Variants in SEPTIN10 observed in about 807,000 individuals in gnomAD.
SEPTIN10 encodes the protein septin-10.
Under a neutral mutation model 54.8 loss-of-function variants are expected in SEPTIN10, and 66 were observed. The observed-to-expected ratio is 1.21, with a 90% CI of 0.99 to 1.48. The LOEUF is 1.48. SEPTIN10 is among the 40% of genes most tolerant of loss of function. SEPTIN10 has a pLI of 0.00. For synonymous variants in SEPTIN10, 161 were observed against 181.0 expected, an observed-to-expected ratio of 0.89 and a Z score of 0.89; for missense variants, 620 against 545.6, an observed-to-expected ratio of 1.14 and a Z score of -1.36.
At position 109,545,528 on chromosome 2, in the gene SEPTIN10, C is replaced by T. The variant is rs748534797; in HGVS notation, c.1349+522G>A. 34 of 1,535,860 alleles carry T rather than the reference C, an allele frequency of 2.2e-5. No homozygotes were observed. In the East Asian group the frequency reaches 3.2e-4, roughly 14 times the overall value. On this transcript the variant is annotated intron_variant, in intron 10 of 10. Coordinates refer to ENST00000397712, the MANE Select transcript of SEPTIN10 (RefSeq NM_144710.5). ...GACATCAATGCACAGGAGTTCGAAT[C>T]GACAGCCTGGTTCCCTTATTAAAAT...
intron 1 of SEPTIN10, among the ~76,000 whole-genome samples, chr2:109,603,661 A>T (rs901373951): frequency 6.6e-6 from 1 of 152,226 alleles, no homozygotes; most frequent in African/African-American, 2.4e-5. Flanking sequence ...TGGGAGACAT[A>T]CATACAACTA....
At chr2:109,552,989 C>A in intron 9 of SEPTIN10, 98 bp downstream of exon 9, 1 of 1,336,612 alleles carries the variant, frequency 7.5e-7, no homozygotes, top group Non-Finnish European at 1.0e-6. Context: ...GAACAAGTAG[C>A]CTACAAAAGA....
chr2:109,590,641 C>T (rs937581716), intron 2 of SEPTIN10, among the ~76,000 whole-genome samples: 5 of 152,096 alleles, frequency 3.3e-5, no homozygotes, highest in African/African-American at 1.2e-4. Flanking sequence ...GTCGGTCAGG[C>T]TGGTCTCGAA....
At chr2:109,559,989 T>C (rs142063603) in intron 8 of SEPTIN10, among the ~76,000 whole-genome samples, 6,555 of 150,382 alleles carry the variant, frequency 0.044, 441 homozygotes, top group African/African-American at 0.15. Context: ...GGCATGATCT[T>C]GGCTCACCGC....
intron 8 of SEPTIN10, among the ~76,000 whole-genome samples, chr2:109,558,818 T>G (rs1684971006): frequency 1.3e-5 from 2 of 152,184 alleles, no homozygotes; most frequent in Middle Eastern, 3.2e-3. Context: ...GAGGGACAGA[T>G]TTTACATGCC....
At chr2:109,590,013 TA>T (rs1693551521) in intron 2 of SEPTIN10, among the ~76,000 whole-genome samples, 1 of 151,108 alleles carries the variant, frequency 6.6e-6, no homozygotes, top group Admixed American at 6.6e-5. Flanking sequence ...CATAATCATA[TA>T]TATATATACA....
chr2:109,613,931 G>GT lies in SEPTIN10; in HGVS notation c.-105_-104insA, dbSNP rs1247222851. 5.7e-6 allele frequency: 7 copies of GT among 1,221,506 alleles called. No homozygotes were observed. In the East Asian group the frequency reaches 2.3e-4, roughly 39 times the overall value. 75.7% of individuals were successfully genotyped at this position (1,221,506 alleles called of 1,614,324 possible). ...GCCGGAGGGCAGAAGCAACGGGCGG[G>GT]GCGCGAGGCTAGGCTGCCTCCGCGA... On this transcript the variant is annotated 5_prime_UTR_variant, in exon 1 of 11. Coordinates refer to ENST00000397712, the MANE Select transcript of SEPTIN10 (RefSeq NM_144710.5).
intron 5 of SEPTIN10, among the ~76,000 whole-genome samples, chr2:109,570,008 C>T (rs1444495592): frequency 6.6e-6 from 1 of 151,750 alleles, no homozygotes; most frequent in Non-Finnish European, 1.5e-5. Flanking sequence ...AATTTCCCTA[C>T]ACCTGCCAAC....
chr2:109,608,454 AG>A (rs1698511126), intron 1 of SEPTIN10, among the ~76,000 whole-genome samples: 1 of 152,216 alleles, frequency 6.6e-6, no homozygotes, highest in South Asian at 2.1e-4. Context: ...TAAGGGAGGA[AG>A]GTAAAGGAAA....
At chr2:109,568,889 A>C (rs1687703203) in intron 5 of SEPTIN10, among the ~76,000 whole-genome samples, 1 of 152,204 alleles carries the variant, frequency 6.6e-6, no homozygotes, top group Admixed American at 6.5e-5. Context: ...CATGATGCAA[A>C]GGAATAACTT....
At chr2:109,563,580 T>G (rs1236948102) in intron 8 of SEPTIN10, among the ~76,000 whole-genome samples, 1 of 152,242 alleles carries the variant, frequency 6.6e-6, no homozygotes, top group Non-Finnish European at 1.5e-5. Flanking sequence ...GCATAAAGTC[T>G]GGGATACAGC....
intron 9 of SEPTIN10, among the ~76,000 whole-genome samples, chr2:109,548,574 A>C (rs1008406089): frequency 6.6e-6 from 1 of 152,194 alleles, no homozygotes; most frequent in South Asian, 2.1e-4. Flanking sequence ...TCAGGAGTTC[A>C]AGACCAGCCT....
chr2:109,597,480 T>C (rs1335645449), intron 1 of SEPTIN10, among the ~76,000 whole-genome samples: 6 of 152,218 alleles, frequency 3.9e-5, no homozygotes, highest in Non-Finnish European at 5.9e-5. Flanking sequence ...CTTGTGACTC[T>C]GTCTCAGAGA....
chr2:109,610,881 C>T (rs910891946), intron 1 of SEPTIN10, among the ~76,000 whole-genome samples: 1 of 152,114 alleles, frequency 6.6e-6, no homozygotes, highest in Non-Finnish European at 1.5e-5. Context: ...CTAAAACTTA[C>T]ACAGAGAGGC....
At chr2:109,568,730 T>C (rs1687652732) in intron 5 of SEPTIN10, among the ~76,000 whole-genome samples, 1 of 152,176 alleles carries the variant, frequency 6.6e-6, no homozygotes, top group Admixed American at 6.5e-5. Context: ...ACCAGGGTGA[T>C]TGATCCCTCA....
At chr2:109,605,454 G>A (rs72938290) in intron 1 of SEPTIN10, 3 of 152,040 alleles carry the variant, frequency 2.0e-5, no homozygotes, top group African/African-American at 7.2e-5. Context: ...TGAGCGACAA[G>A]AGTGAAACTC....
chr2:109,561,276 T>G (rs1382459648), intron 8 of SEPTIN10, among the ~76,000 whole-genome samples: 1 of 152,126 alleles, frequency 6.6e-6, no homozygotes, highest in Non-Finnish European at 1.5e-5. Flanking sequence ...CCCAAGTTAC[T>G]ACAGCTCAAA....
chr2:109,585,133 CTTTAT>C lies in SEPTIN10; in HGVS notation c.401_405del (p.Asn134ArgfsTer9). ...CAAGAAGAAAACACATACCTCTCTT[CTTTAT>C]TTATTTGGTCACCAAATCCCACTGT... On this transcript the variant is annotated frameshift_variant, in exon 4 of 11. Transcript: ENST00000397712. LOFTEE classifies it high-confidence loss of function. 1 of 1,571,538 alleles carries C rather than the reference CTTTAT, an allele frequency of 6.4e-7. No homozygotes were observed. Among genetic ancestry groups the C allele is most frequent in the Non-Finnish European group, 8.6e-7 (1 of 1,160,104 alleles).
intron 1 of SEPTIN10, among the ~76,000 whole-genome samples, chr2:109,602,082 C>G (rs1337051360): frequency 2.6e-5 from 4 of 152,184 alleles, no homozygotes; most frequent in African/African-American, 9.7e-5. Flanking sequence ...GCACTGAGCT[C>G]AGACCCTGGA....
Sources: gnomAD v4.1 joint callset for allele counts (sites outside exome capture counted in the v4.1 genomes callset) on GRCh38, gnomAD v4.1.1 for gene constraint, MANE v1.5 for transcripts, NCBI Gene and HGNC (gene_info 2026-07-23, HGNC 2026-07-21) for gene names.